The following ADAMTS6 variants were observed in gnomAD, a reference collection of about 807,000 sequenced individuals.
The protein encoded by ADAMTS6 is ADAM metallopeptidase with thrombospondin type 1 motif 6.
Under a neutral mutation model 144.3 loss-of-function variants are expected in ADAMTS6, and 23 were observed. The observed-to-expected ratio is 0.16, with a 90% CI of 0.11 to 0.23. The LOEUF is 0.23. ADAMTS6 is among the 10% of genes least tolerant of loss of function. The probability of loss-of-function intolerance (pLI) is 1.00; values close to 1 mark genes in which losing one functional copy is unlikely to be tolerated. For missense variants in ADAMTS6, 999 were observed against 1,379.6 expected (o/e 0.72, Z 4.37); for synonymous variants, 444 against 457.5 (o/e 0.97, Z 0.38).
intron 11 of ADAMTS6, among the ~76,000 whole-genome samples, chr5:65,282,068 A>G (rs1386975401): frequency 6.6e-6 from 1 of 152,178 alleles, no homozygotes; most frequent in Non-Finnish European, 1.5e-5. Context: ...GGAAAGCAGT[A>G]TGTGAAGAGA....
At chr5:65,228,072 CA>C (rs748730231) in intron 15 of ADAMTS6, among the ~76,000 whole-genome samples, 1 of 152,034 alleles carries the variant, frequency 6.6e-6, no homozygotes, top group Admixed American at 6.6e-5. Flanking sequence ...AATTTCTTCC[CA>C]AACTGATAAT....
intron 16 of ADAMTS6, 34 bp downstream of exon 16, chr5:65,226,052 A>G: frequency 6.4e-7 from 1 of 1,565,220 alleles, no homozygotes. Flanking sequence ...AAAGTCTCAA[A>G]AACCCCAACA....
intron 11 of ADAMTS6, among the ~76,000 whole-genome samples, chr5:65,282,178 C>G (rs1042286590): frequency 3.9e-5 from 6 of 152,106 alleles, no homozygotes; most frequent in Non-Finnish European, 1.5e-5. Context: ...TGGCCCATGA[C>G]ATGGCCCCAG....
chr5:65,227,534 C>A lies in ADAMTS6; in HGVS notation c.1934-1315G>T, dbSNP rs969413136. 3.3e-5 allele frequency among the ~76,000 whole-genome samples: 5 copies of A among 152,104 alleles called. No individual in the cohort carries two copies. In the East Asian group the frequency reaches 9.6e-4, roughly 29 times the overall value. ...AAACTTCTATTTGAAATAAAGAAGA[C>A]TACTTCTAATAAAGGAAATAAAGCA... On this transcript the variant is annotated intron_variant, in intron 15 of 24. Coordinates refer to ENST00000381055, the MANE Select transcript of ADAMTS6 (RefSeq NM_197941.4).
chr5:65,447,348 CA>C (rs1263777174), intron 7 of ADAMTS6, among the ~76,000 whole-genome samples: 4 of 152,026 alleles, frequency 2.6e-5, no homozygotes, highest in Non-Finnish European at 5.9e-5. Context: ...TTTGGTTTAT[CA>C]ATACAAACCT....
chr5:65,239,272 A>AAAG (rs1189559124), intron 15 of ADAMTS6, among the ~76,000 whole-genome samples: 1 of 151,990 alleles, frequency 6.6e-6, no homozygotes, highest in Non-Finnish European at 1.5e-5. Context: ...ATAAAAAAAA[A>AAAG]AAAAACTGTG....
chr5:65,207,751 A>AATAACTGAGT (rs1423992671), intron 20 of ADAMTS6, among the ~76,000 whole-genome samples: 2 of 152,254 alleles, frequency 1.3e-5, no homozygotes, highest in Non-Finnish European at 2.9e-5. Context: ...CAGTGTTCAT[A>AATAACTGAGT]ATAACTGAGT....
At chr5:65,476,347 A>T (rs1288683687) in intron 1 of ADAMTS6, among the ~76,000 whole-genome samples, 1 of 152,220 alleles carries the variant, frequency 6.6e-6, no homozygotes, top group Non-Finnish European at 1.5e-5. Context: ...ACCCAGAGAA[A>T]CTGTGTGATA....
rs75434264 is a variant in ADAMTS6 at position 65,202,211 on chromosome 5, G to A, written c.2576-5060C>T. ...AGTGTCTTTCCTTCTGTCCTTTTCA[G>A]TGTATTTCCTTCTGTCCTAAGCAAA... On this transcript the variant is annotated intron_variant, in intron 20 of 24. Transcript: ENST00000381055. 5.8e-3 allele frequency among the ~76,000 whole-genome samples: 882 copies of A among 152,230 alleles called. 8 individuals carry two copies. Among genetic ancestry groups the A allele is most frequent in the African/African-American group, 0.02 (851 of 41,552 alleles).
At chr5:65,160,781 T>C (rs1752723343) in intron 24 of ADAMTS6, among the ~76,000 whole-genome samples, 1 of 151,236 alleles carries the variant, frequency 6.6e-6, no homozygotes, top group African/African-American at 2.4e-5. Flanking sequence ...GCCTCCCAAG[T>C]AGCTGGGATT....
At position 65,341,414 on chromosome 5, in the gene ADAMTS6, G is replaced by GT. The variant is rs559048211; in HGVS notation, c.1074-7330dup. ...GAAAGATCGATAAAACAAAAAGGTGGTTTTTTGAAAAGATAACGAAAACTG... is the reference window on the plus strand; with the variant it reads ...GAAAGATCGATAAAACAAAAAGGTGGTTTTTTTGAAAAGATAACGAAAACTG... On this transcript the variant is annotated intron_variant, in intron 7 of 24. Transcript: ENST00000381055. 1.1e-4 allele frequency among the ~76,000 whole-genome samples: 17 copies of GT among 151,872 alleles called. No homozygotes were observed. The South Asian group carries it at 3.1e-3, about 28-fold the overall frequency.
In ADAMTS6 at chr5:65,214,739, ATG is replaced by A; in HGVS notation, c.2575+53_2575+54del. On this transcript the variant is annotated intron_variant, in intron 20 of 24. Coordinates refer to ENST00000381055, the MANE Select transcript of ADAMTS6 (RefSeq NM_197941.4). This position sits in a 1 kb window ranked among gnomAD's most constrained non-coding sequence, Gnocchi z 4.6. ...TAACAAACACAAAGCATAGCTCAGAATGTGTTTTGTTCTCCATCTTGCCCTCT... is the reference window on the plus strand; with the variant it reads ...TAACAAACACAAAGCATAGCTCAGAATGTTTTGTTCTCCATCTTGCCCTCT... 6.2e-7 allele frequency: 1 copy of A among 1,610,904 alleles called. No homozygotes were observed. Among genetic ancestry groups the A allele is most frequent in the East Asian group, 2.2e-5 (1 of 44,860 alleles).
intron 9 of ADAMTS6, among the ~76,000 whole-genome samples, chr5:65,302,293 ATAT>A (rs1478791543): frequency 3.5e-5 from 5 of 144,690 alleles, no homozygotes; most frequent in African/African-American, 1.3e-4. Flanking sequence ...AAATATTAAT[ATAT>A]AATATATAAT....
chr5:65,251,201 T>A (rs1347441447), intron 14 of ADAMTS6: 2 of 152,334 alleles, frequency 1.3e-5, no homozygotes, highest in Non-Finnish European at 2.9e-5. Flanking sequence ...GGTCTTCACT[T>A]TTCATAATGG....
At chr5:65,467,296 T>G (rs1448345415) in intron 3 of ADAMTS6, among the ~76,000 whole-genome samples, 2 of 151,846 alleles carry the variant, frequency 1.3e-5, no homozygotes, top group African/African-American at 4.8e-5. Context: ...AAGGAAATAA[T>G]TTTTTTAATT....
intron 24 of ADAMTS6, among the ~76,000 whole-genome samples, chr5:65,161,000 G>A (rs1473860335): frequency 6.6e-6 from 1 of 150,466 alleles, no homozygotes; most frequent in Non-Finnish European, 1.5e-5. Context: ...GACCACGTTT[G>A]CATTATTTTC....
At chr5:65,360,935 A>G (rs1749770744) in intron 7 of ADAMTS6, among the ~76,000 whole-genome samples, 1 of 152,190 alleles carries the variant, frequency 6.6e-6, no homozygotes, top group East Asian at 1.9e-4. Context: ...GCCCTATAAC[A>G]TGGGCTTTTG....
chr5:65,241,660 A>G (rs1315484076), intron 15 of ADAMTS6, among the ~76,000 whole-genome samples: 1 of 152,222 alleles, frequency 6.6e-6, no homozygotes, highest in Non-Finnish European at 1.5e-5. Flanking sequence ...CTGAAAAAGA[A>G]TAACAATAAT....
intron 7 of ADAMTS6, among the ~76,000 whole-genome samples, chr5:65,401,401 C>A (rs1451097870): frequency 2.6e-5 from 4 of 151,820 alleles, no homozygotes; most frequent in Non-Finnish European, 1.5e-5. Flanking sequence ...TGAGGTCAGA[C>A]CTTATTAAAA....
Sources: gnomAD v4.1 joint callset for allele counts (sites outside exome capture counted in the v4.1 genomes callset) on GRCh38, gnomAD v4.1.1 for gene constraint, Gnocchi (gnomAD v3.1) non-coding constraint, MANE v1.5 for transcripts, NCBI Gene and HGNC (gene_info 2026-07-23, HGNC 2026-07-21) for gene names.